Variants in MLLT3 observed in about 807,000 individuals in gnomAD.
The protein encoded by MLLT3 is protein AF-9.
Under a neutral mutation model 53.2 loss-of-function variants are expected in MLLT3, and 4 were observed. The ratio of observed to expected loss-of-function variants is 0.08; its 90% CI spans 0.04 to 0.17. MLLT3 has a LOEUF of 0.17. Among genes scored for constraint, MLLT3 ranks in the 10% least tolerant of loss-of-function variants. The probability of loss-of-function intolerance (pLI) is 1.00; values close to 1 mark genes in which losing one functional copy is unlikely to be tolerated. For missense variants in MLLT3, 569 were observed against 684.0 expected, an observed-to-expected ratio of 0.83 and a Z score of 1.87; for synonymous variants, 283 against 230.6, an observed-to-expected ratio of 1.23 and a Z score of -2.06.
chr9:20,471,995 G>A (rs771110761), intron 2 of MLLT3, among the ~76,000 whole-genome samples: 61 of 152,066 alleles, frequency 4.0e-4, no homozygotes, highest in African/African-American at 1.2e-3. Flanking sequence ...AACTGTTAAG[G>A]TGAAATAAAT....
rs1025476204 is a variant in MLLT3, at chr9:20,620,182, A to G, written c.193+472T>C. ...GACCCTAAAGAGAACCGACTTGCCA[A>G]GACCGAACAATAACTACATCCAATA... On this transcript the variant is annotated intron_variant, in intron 2 of 10. Coordinates refer to ENST00000380338, the MANE Select transcript of MLLT3 (RefSeq NM_004529.4). The surrounding 1 kb of genome is among the most constrained non-coding windows in gnomAD (Gnocchi z 6.1). 6.6e-6 allele frequency among the ~76,000 whole-genome samples: 1 copy of G among 152,028 alleles called. No homozygotes were observed. The highest frequency in any genetic ancestry group is 1.9e-4 in the East Asian group (1 of 5,176).
chr9:20,398,418 G>GT (rs1822374689), intron 5 of MLLT3, among the ~76,000 whole-genome samples: 1 of 152,084 alleles, frequency 6.6e-6, no homozygotes, highest in Admixed American at 6.6e-5. Flanking sequence ...AGATGTGATG[G>GT]TTTAATAAAT....
chr9:20,617,645 G>C (rs1022625697), intron 2 of MLLT3, among the ~76,000 whole-genome samples: 2 of 152,086 alleles, frequency 1.3e-5, no homozygotes, highest in Non-Finnish European at 2.9e-5. Flanking sequence ...TAATAAATAA[G>C]ATATTGTCTT....
Position 20,365,735 on chromosome 9 carries a change from G to A in MLLT3, c.1135C>T (p.Pro379Ser). The A allele has an allele frequency of 6.2e-7, 1 of 1,614,172 alleles. No homozygotes were observed. Among genetic ancestry groups the A allele is most frequent in the Non-Finnish European group, 8.5e-7 (1 of 1,180,014 alleles). ...NISSKSDSEQPSPASSSSSSS... is the reference protein window; with the variant it reads ...NISSKSDSEQSSPASSSSSSS... ...CTGGAGCTGGAGCTGGCAGGACTGG[G>A]TTGTTCAGACTTTAAAGAAGAATAA... Residue 379 changes from proline to serine, a missense_variant, in exon 6 of 11, where the codon CCC becomes TCC. Transcript: ENST00000380338.
At chr9:20,379,694 C>T (rs796522605) in intron 5 of MLLT3, among the ~76,000 whole-genome samples, 15 of 151,990 alleles carry the variant, frequency 9.9e-5, no homozygotes, top group African/African-American at 3.4e-4. Context: ...AATTCCTAAC[C>T]ATCTGCCTTT....
intron 4 of MLLT3, among the ~76,000 whole-genome samples, chr9:20,435,224 T>G (rs937481157): frequency 3.9e-5 from 6 of 152,108 alleles, no homozygotes; most frequent in Admixed American, 1.3e-4. Flanking sequence ...TTCTTTCTTT[T>G]TTAGAGACAG....
At chr9:20,590,171 T>C (rs1418715936) in intron 2 of MLLT3, among the ~76,000 whole-genome samples, 3 of 152,182 alleles carry the variant, frequency 2.0e-5, no homozygotes, top group Admixed American at 6.5e-5. Flanking sequence ...TCCAGAGCTG[T>C]AATTACACAC....
At chr9:20,416,531 T>C (rs561868647) in intron 4 of MLLT3, among the ~76,000 whole-genome samples, 1 of 152,254 alleles carries the variant, frequency 6.6e-6, no homozygotes, top group Admixed American at 6.5e-5. Flanking sequence ...CACATTGGTA[T>C]CTGACACAGC....
Position 20,421,881 on chromosome 9 carries a change from ATGGACTGC to A in MLLT3, c.421-7464_421-7457del, listed in dbSNP as rs544886446. Among the ~76,000 whole-genome samples, 271 of 151,984 alleles carry A rather than the reference ATGGACTGC, an allele frequency of 1.8e-3. 3 individuals are homozygous for A. Among genetic ancestry groups the A allele is most frequent in the East Asian group, 2.9e-3 (15 of 5,150 alleles). On this transcript the variant is annotated intron_variant, in intron 4 of 10. Coordinates refer to ENST00000380338, the MANE Select transcript of MLLT3 (RefSeq NM_004529.4). ...GTACTAAGGGAAAGAGTGAAGCAAA[ATGGACTGC>A]TGATGCTTTTTATAGGATTTTTAGC...
intron 8 of MLLT3, among the ~76,000 whole-genome samples, chr9:20,359,191 A>C (rs1350945111): frequency 6.6e-6 from 1 of 151,594 alleles, no homozygotes; most frequent in African/African-American, 2.4e-5. Context: ...CCAAGGTTCA[A>C]ATTCTATTCT....
At chr9:20,515,108 G>A (rs565556381) in intron 2 of MLLT3, among the ~76,000 whole-genome samples, 21 of 151,946 alleles carry the variant, frequency 1.4e-4, no homozygotes, top group African/African-American at 4.1e-4. Context: ...CACCACGCCC[G>A]GCTAATTTTT....
At chr9:20,421,280 T>TA in intron 4 of MLLT3, among the ~76,000 whole-genome samples, 1 of 151,616 alleles carries the variant, frequency 6.6e-6, no homozygotes, top group East Asian at 1.9e-4. Flanking sequence ...ATAAATAAAA[T>TA]AAATAAATTA....
chr9:20,581,786 G>GT (rs1442824100), intron 2 of MLLT3, among the ~76,000 whole-genome samples: 1 of 152,094 alleles, frequency 6.6e-6, no homozygotes, highest in Non-Finnish European at 1.5e-5. Context: ...CTTCAATTTG[G>GT]TAAGAGGAAT....
intron 2 of MLLT3, among the ~76,000 whole-genome samples, chr9:20,475,823 C>T (rs1201222411): frequency 1.3e-5 from 2 of 152,088 alleles, no homozygotes; most frequent in Non-Finnish European, 2.9e-5. Context: ...CTCCAAAATA[C>T]ACACAATATT....
At chr9:20,487,460 C>G (rs180862584) in intron 2 of MLLT3, among the ~76,000 whole-genome samples, 3 of 150,614 alleles carry the variant, frequency 2.0e-5, no homozygotes, top group African/African-American at 7.5e-5. Flanking sequence ...TATGGCCACT[C>G]GTAAGAGAAA....
chr9:20,341,795 G>C lies in MLLT3; in HGVS notation c.*4648C>G, dbSNP rs1174195101. 2 of 200,162 alleles carry C rather than the reference G, an allele frequency of 1.0e-5. No homozygotes were observed. Among genetic ancestry groups the C allele is most frequent in the Non-Finnish European group, 2.1e-5 (2 of 97,364 alleles). 12.4% of individuals were successfully genotyped at this position (200,162 alleles called of 1,614,324 possible). A position where few individuals can be genotyped will look rare whatever the true frequency, so the allele number is the denominator to read the frequency against. On this transcript the variant is annotated 3_prime_UTR_variant, in exon 11 of 11. Coordinates refer to ENST00000380338, the MANE Select transcript of MLLT3 (RefSeq NM_004529.4). ...GACTTTGTAAGATCGACTCTCTCTG[G>C]CTATAGCACATTGTTTCTGAACAAA...
At chr9:20,481,789 A>C (rs2118905873) in intron 2 of MLLT3, among the ~76,000 whole-genome samples, 1 of 152,354 alleles carries the variant, frequency 6.6e-6, no homozygotes, top group Middle Eastern at 3.4e-3. Flanking sequence ...AGAGGTTACA[A>C]GTTACTTACC....
At chr9:20,350,004 G>A (rs1187697392) in intron 10 of MLLT3, among the ~76,000 whole-genome samples, 1 of 152,204 alleles carries the variant, frequency 6.6e-6, no homozygotes, top group Non-Finnish European at 1.5e-5. Context: ...TAGAGCATGT[G>A]CCCACATCCT....
chr9:20,490,771 A>T lies in MLLT3; in HGVS notation c.194-33985T>A, dbSNP rs369808012. 6.6e-4 allele frequency among the ~76,000 whole-genome samples: 101 copies of T among 152,320 alleles called. 2 individuals are homozygous for T. In the South Asian group the frequency reaches 0.019, roughly 29 times the overall value. On this transcript the variant is annotated intron_variant, in intron 2 of 10. Transcript: ENST00000380338. ...CATATGCAAGTATTTGGACACAGGA[A>T]CCCATTTAATTCTCACAACAACCCT...
Sources: allele counts gnomAD v4.1 joint callset (sites outside exome capture counted in the v4.1 genomes callset), GRCh38; gene constraint gnomAD v4.1.1; non-coding constraint Gnocchi (gnomAD v3.1); transcripts MANE v1.5; gene names NCBI Gene and HGNC (gene_info 2026-07-23, HGNC 2026-07-21).